SPON1: variants seen among roughly 807,000 people sequenced by gnomAD.
SPON1 encodes the protein spondin-1.
SPON1 carries 52 observed loss-of-function variants against 111.7 expected under a neutral mutation model. The observed-to-expected ratio is 0.47, with a 90% confidence interval of 0.37 to 0.59. SPON1 has a LOEUF of 0.59. SPON1 is among the 20% of genes least tolerant of loss of function. The pLI is 0.00. For synonymous variants in SPON1, 410 were observed against 395.8 expected (o/e 1.04, Z -0.43); for missense variants, 957 against 1,068.5 (o/e 0.90, Z 1.46).
chr11:14,260,578 C>CT lies in SPON1; in HGVS notation c.1832-8dup, dbSNP rs1554941809. 2 of 1,610,192 alleles carry CT rather than the reference C, an allele frequency of 1.2e-6. No individual in the cohort carries two copies. The highest frequency in any genetic ancestry group is 2.2e-5 in the South Asian group (2 of 90,772). ...CCTGTTCTCAGTGGCAAACCTGGTT[C>CT]TTGATCTAGACACCATCCCATGCTT... On this transcript the variant is annotated splice_polypyrimidine_tract_variant and intron_variant, in intron 13 of 15. Transcript: ENST00000576479.
chr11:14,202,496 A>G (rs1354592014), intron 6 of SPON1, among the ~76,000 whole-genome samples: 1 of 152,148 alleles, frequency 6.6e-6, no homozygotes, highest in Non-Finnish European at 1.5e-5. Flanking sequence ...GGAGGAGGAC[A>G]ATACCCTCTA....
At chr11:14,111,217 C>T (rs1027180736) in intron 5 of SPON1, among the ~76,000 whole-genome samples, 2 of 152,204 alleles carry the variant, frequency 1.3e-5, no homozygotes, top group Non-Finnish European at 2.9e-5. Context: ...CTTCAAGATA[C>T]CACATATATT....
intron 5 of SPON1, among the ~76,000 whole-genome samples, chr11:14,113,445 A>C (rs1554925630): frequency 6.6e-6 from 1 of 152,198 alleles, no homozygotes; most frequent in African/African-American, 2.4e-5. Flanking sequence ...TTCTTAAATA[A>C]GGCTAAGAGG....
At chr11:14,124,365 C>A (rs1847431680) in intron 5 of SPON1, among the ~76,000 whole-genome samples, 1 of 152,228 alleles carries the variant, frequency 6.6e-6, no homozygotes, top group African/African-American at 2.4e-5. Context: ...GCTCACCTGC[C>A]ATCTCCTCCA....
Position 13,982,778 on chromosome 11 carries a change from C to A in SPON1, c.239-69C>A, listed in dbSNP as rs890213923. On this transcript the variant is annotated intron_variant, in intron 1 of 15. Coordinates refer to ENST00000576479, the MANE Select transcript of SPON1 (RefSeq NM_006108.4). ...TGGGATATCGATGGAGAACTCAGGT[C>A]TATCCCATTTGACAAATGGACAATA... The A allele has an allele frequency of 6.5e-4, 693 of 1,069,884 alleles. 6 individuals carry two copies. The highest frequency in any genetic ancestry group is 1.6e-4 in the Admixed American group (8 of 49,626). 66.3% of individuals were successfully genotyped at this position (1,069,884 alleles called of 1,614,324 possible). A position where few individuals can be genotyped will look rare whatever the true frequency, so the allele number is the denominator to read the frequency against.
chr11:14,249,901 C>G (rs1849034255), intron 7 of SPON1, among the ~76,000 whole-genome samples: 1 of 152,186 alleles, frequency 6.6e-6, no homozygotes, highest in African/African-American at 2.4e-5. Context: ...GGTGGAAGCC[C>G]TCATCACATA....
chr11:14,002,243 G>A (rs897881417), intron 2 of SPON1, among the ~76,000 whole-genome samples: 2 of 152,162 alleles, frequency 1.3e-5, no homozygotes, highest in African/African-American at 4.8e-5. Context: ...AACTGGTAAT[G>A]AACATCAGAA....
At chr11:14,211,670 G>A (rs1187316591) in intron 6 of SPON1, among the ~76,000 whole-genome samples, 2 of 152,110 alleles carry the variant, frequency 1.3e-5, no homozygotes, top group Non-Finnish European at 2.9e-5. Context: ...GGGGTTTACT[G>A]CTTGTGTATA....
intron 5 of SPON1, among the ~76,000 whole-genome samples, chr11:14,134,042 C>CTTTTTTTTTTTTTT (rs5789824): frequency 7.0e-6 from 1 of 142,028 alleles, no homozygotes; most frequent in African/African-American, 2.6e-5. Flanking sequence ...TTCTTTCTTT[C>CTTTTTTTTTTTTTT]TTTTTTTTTT....
intron 6 of SPON1, among the ~76,000 whole-genome samples, chr11:14,230,185 T>C (rs534845564): frequency 1.2e-4 from 19 of 152,316 alleles, no homozygotes; most frequent in African/African-American, 4.6e-4. Context: ...CCCAGGATCC[T>C]TATTTGATAC....
chr11:14,173,884 G>C (rs1848140759), intron 6 of SPON1, among the ~76,000 whole-genome samples: 1 of 147,612 alleles, frequency 6.8e-6, no homozygotes, highest in African/African-American at 2.5e-5. Context: ...GGCCGTGTGA[G>C]GTGTCAGTTC....
intron 6 of SPON1, among the ~76,000 whole-genome samples, chr11:14,162,706 T>C (rs1307103996): frequency 2.0e-5 from 3 of 152,172 alleles, no homozygotes; most frequent in Non-Finnish European, 4.4e-5. Context: ...TTTCAAAAGA[T>C]TTTACCAAAT....
intron 6 of SPON1, among the ~76,000 whole-genome samples, chr11:14,177,740 G>A (rs1848193704): frequency 6.6e-6 from 1 of 152,164 alleles, no homozygotes; most frequent in Non-Finnish European, 1.5e-5. Flanking sequence ...GGAAAGGGCT[G>A]TTATCGTCTT....
chr11:14,122,549 A>T (rs1185305179), intron 5 of SPON1, among the ~76,000 whole-genome samples: 26 of 151,712 alleles, frequency 1.7e-4, no homozygotes, highest in Admixed American at 1.1e-3. Flanking sequence ...ATGTTAAACC[A>T]CTTGTTTTTA....
intron 2 of SPON1, among the ~76,000 whole-genome samples, chr11:13,994,052 T>C (rs1021429608): frequency 6.6e-6 from 1 of 152,242 alleles, no homozygotes; most frequent in Non-Finnish European, 1.5e-5. Context: ...GTTTTTAAAC[T>C]ATTTTTGTGA....
intron 7 of SPON1, 106 bp downstream of exon 7, chr11:14,243,502 A>G (rs1430888629): frequency 2.2e-6 from 2 of 923,644 alleles, no homozygotes. Context: ...AGTTAGCACT[A>G]CTTCTCAGTT....
intron 6 of SPON1, among the ~76,000 whole-genome samples, chr11:14,195,714 C>T (rs1218141554): frequency 2.0e-5 from 3 of 152,152 alleles, no homozygotes; most frequent in African/African-American, 7.2e-5. Context: ...ATGGACAGTC[C>T]TACAAGGCAT....
chr11:14,162,666 GCCTT>G, intron 6 of SPON1, among the ~76,000 whole-genome samples: 1 of 152,264 alleles, frequency 6.6e-6, no homozygotes, highest in Non-Finnish European at 1.5e-5. Flanking sequence ...CATAAAAAAT[GCCTT>G]CCTTTTCTCA....
Position 14,259,643 on chromosome 11 carries a change from T to C in SPON1, c.1773T>C (p.Asp591=). ...RHRMIKMNPA[D]GSMCKAETSQ... ...GCATGATCAAGATGAACCCCGCAGA[T>C]GGCTCCATGTGCAAAGCCGAGACAT... Residue 591 remains aspartate, a synonymous_variant, in exon 13 of 16, where the codon GAT becomes GAC. Coordinates refer to ENST00000576479, the MANE Select transcript of SPON1 (RefSeq NM_006108.4). This position sits in a 1 kb window ranked among gnomAD's most constrained non-coding sequence, Gnocchi z 5.0. The C allele has an allele frequency of 6.4e-7, 1 of 1,567,036 alleles. No homozygotes were observed. The highest frequency in any genetic ancestry group is 8.7e-7 in the Non-Finnish European group (1 of 1,156,026).
Sources: gnomAD v4.1 joint callset for allele counts (sites outside exome capture counted in the v4.1 genomes callset) on GRCh38, gnomAD v4.1.1 for gene constraint, Gnocchi (gnomAD v3.1) non-coding constraint, MANE v1.5 for transcripts, NCBI Gene and HGNC (gene_info 2026-07-23, HGNC 2026-07-21) for gene names.